GSTA3: variants seen among roughly 807,000 people sequenced by gnomAD.
The protein encoded by GSTA3 is glutathione S-transferase A3.
A neutral mutation model predicts 23.1 loss-of-function variants in GSTA3; 16 were observed. That is an observed-to-expected ratio of 0.69 (90% CI 0.47 to 1.05). GSTA3 has a LOEUF of 1.05. Ranked by LOEUF, GSTA3 falls within the 50% of genes least tolerant of loss-of-function variation. The pLI is 0.00. For missense variants in GSTA3, 319 were observed against 263.6 expected, an observed-to-expected ratio of 1.21 and a Z score of -1.46; for synonymous variants, 122 against 91.0, an observed-to-expected ratio of 1.34 and a Z score of -1.94.
intron 2 of GSTA3, 48 bp from the exon 3 acceptor site, chr6:52,903,775 A>G (rs765020304): frequency 1.8e-6 from 2 of 1,121,214 alleles, no homozygotes; most frequent in Non-Finnish European, 2.7e-6. Flanking sequence ...GTTCCATAGC[A>G]TTACAGACTT....
intron 2 of GSTA3, among the ~76,000 whole-genome samples, chr6:52,904,789 C>T (rs1368918917): frequency 6.6e-6 from 1 of 152,190 alleles, no homozygotes; most frequent in Non-Finnish European, 1.5e-5. Context: ...ACAGACACCT[C>T]CCAGCATTTC....
intron 3 of GSTA3, 56 bp downstream of exon 3, chr6:52,903,620 G>A (rs1765775936): frequency 2.2e-6 from 2 of 899,328 alleles, no homozygotes; most frequent in South Asian, 1.4e-5. Flanking sequence ...TCAATCTTCA[G>A]CGGTACCTTC....
At position 52,899,929 on chromosome 6, in the gene GSTA3, C is replaced by T. The variant is rs761873714; in HGVS notation, c.414+5G>A. 4 of 1,613,922 alleles carry T rather than the reference C, an allele frequency of 2.5e-6. No individual in the cohort carries two copies. Among genetic ancestry groups the T allele is most frequent in the East Asian group, 2.2e-5 (1 of 44,858 alleles). On this transcript the variant is annotated splice_donor_5th_base_variant and intron_variant, in intron 5 of 6. Coordinates refer to ENST00000211122, the MANE Select transcript of GSTA3 (RefSeq NM_000847.5). ...TGCCCCAAAATGCTGAACAGCTTCA[C>T]CTACTTTTTCGAAGGCAGGGAAATA...
At chr6:52,903,857 A>G (rs1765789462) in intron 2 of GSTA3, 130 bp from the exon 3 acceptor site, 2 of 637,514 alleles carry the variant, frequency 3.1e-6, no homozygotes, top group African/African-American at 3.7e-5. Flanking sequence ...CAGGGGACAC[A>G]GAAGAAGCTG....
intron 1 of GSTA3, among the ~76,000 whole-genome samples, chr6:52,907,922 T>C (rs1053175206): frequency 6.6e-6 from 1 of 151,692 alleles, no homozygotes; most frequent in African/African-American, 2.4e-5. Context: ...CATGTATGCA[T>C]ATGTAACGAA....
At position 52,897,934 on chromosome 6, in the gene GSTA3, T is replaced by C. The variant is rs1765516834; in HGVS notation, c.437A>G (p.Asp146Gly). The C allele has an allele frequency of 1.2e-6, 2 of 1,613,968 alleles. No homozygotes were observed. The highest frequency in any genetic ancestry group is 1.7e-6 in the Non-Finnish European group (2 of 1,179,890). The change falls in exon 6 of 7, where the codon GAC becomes GGC. Residue 146 changes from aspartate to glycine, a missense_variant. Coordinates refer to ENST00000211122, the MANE Select transcript of GSTA3 (RefSeq NM_000847.5). ...FEKVLQSHGQ[D>G]YLVGNKLSRA... ...GCTCAGCTTGTTGCCAACAAGGTAG[T>C]CTTGTCCATGGCTCTGTAACACCTG...
intron 1 of GSTA3, among the ~76,000 whole-genome samples, chr6:52,906,412 G>A (rs9463844): frequency 5.3e-5 from 8 of 152,122 alleles, no homozygotes; most frequent in East Asian, 3.9e-4. Context: ...GCCTGCAGAC[G>A]TTACCATTTT....
intron 5 of GSTA3, among the ~76,000 whole-genome samples, chr6:52,899,315 T>A (rs550378515): frequency 6.6e-6 from 1 of 152,182 alleles, no homozygotes; most frequent in Non-Finnish European, 1.5e-5. Context: ...AGGGTGAACT[T>A]GAATTCATCA....
intron 1 of GSTA3, among the ~76,000 whole-genome samples, chr6:52,907,838 G>GT (rs1197925188): frequency 8.5e-6 from 1 of 117,470 alleles, no homozygotes; most frequent in Non-Finnish European, 1.7e-5. Context: ...GTGGGGGGAG[G>GT]GGGGAGGGAT....
At position 52,897,031 on chromosome 6, in the gene GSTA3, C is replaced by T. The variant is rs947770100; in HGVS notation, c.547-103G>A. Reference sequence around the variant, plus strand: ...CCTCCTGCCAGAGACCAAGTGAGTCCCCTCCATCAGCACCAGCATGGAGGC... The same window carrying T: ...CCTCCTGCCAGAGACCAAGTGAGTCTCCTCCATCAGCACCAGCATGGAGGC... On this transcript the variant is annotated intron_variant, in intron 6 of 6. Transcript: ENST00000211122. 6 of 1,505,682 alleles carry T rather than the reference C, an allele frequency of 4.0e-6. No individual in the cohort carries two copies. In the African/African-American group the frequency reaches 4.2e-5, roughly 11 times the overall value. 93.3% of individuals were successfully genotyped at this position (1,505,682 alleles called of 1,614,324 possible).
rs560854336 is a variant in GSTA3, at chr6:52,898,072, T to G, written c.415-116A>C. On this transcript the variant is annotated intron_variant, in intron 5 of 6. Transcript: ENST00000211122. ...ACCTGTGTTGCCTAACTGGATGGTGTGAAGGTCCAGGCCTTTGTTTATGTT... is the reference window on the plus strand; with the variant it reads ...ACCTGTGTTGCCTAACTGGATGGTGGGAAGGTCCAGGCCTTTGTTTATGTT... 23 of 1,188,340 alleles carry G rather than the reference T, an allele frequency of 1.9e-5. No individual in the cohort carries two copies. In the African/African-American group the frequency reaches 2.4e-4, roughly 12 times the overall value. The allele number at this position is 1,188,340 out of a possible 1,614,324, so 73.6% of individuals were successfully genotyped here.
chr6:52,905,884 GATGA>G (rs750011733), intron 1 of GSTA3, 29 bp from the exon 2 acceptor site: 1 of 1,119,014 alleles, frequency 8.9e-7, no homozygotes, highest in Non-Finnish European at 1.3e-6. Context: ...TGCATGAATG[GATGA>G]ATGAATGAGT....
At chr6:52,907,569 A>G (rs1765934321) in intron 1 of GSTA3, among the ~76,000 whole-genome samples, 1 of 151,212 alleles carries the variant, frequency 6.6e-6, no homozygotes, top group African/African-American at 2.4e-5. Context: ...ACTTGGAACC[A>G]ACCCAAATGT....
chr6:52,908,374 G>T (rs1203264881), intron 1 of GSTA3, among the ~76,000 whole-genome samples: 7 of 152,064 alleles, frequency 4.6e-5, no homozygotes, highest in Non-Finnish European at 1.0e-4. Context: ...AATTAGCCAG[G>T]ATTGGTGTCC....
At chr6:52,905,130 AT>A (rs1231840365) in intron 2 of GSTA3, among the ~76,000 whole-genome samples, 3 of 152,284 alleles carry the variant, frequency 2.0e-5, no homozygotes, top group African/African-American at 7.2e-5. Flanking sequence ...TTAGCATTTT[AT>A]TGTATAAATT....
At position 52,902,439 on chromosome 6, in the gene GSTA3, A is replaced by G. The variant is rs371173696; in HGVS notation, c.179T>C (p.Ile60Thr). The G allele has an allele frequency of 8.7e-6, 14 of 1,613,746 alleles. No individual in the cohort carries two copies. The highest frequency in any genetic ancestry group is 8.0e-5 in the African/African-American group (6 of 74,928). Residue 60 changes from isoleucine (I) to threonine (T), a missense_variant, in exon 4 of 7, where the codon ATT becomes ACT. Physicochemically the swap from Ile to Thr is moderately conservative, Grantham distance 89. Transcript: ENST00000211122. Reference protein sequence around the residue: ...LMFQQVPMVEIDGMKLVQTRA... With the variant: ...LMFQQVPMVETDGMKLVQTRA... Reference sequence around the variant, plus strand: ...GGTCTGTACCAACTTCATCCCATCAATCTCAACCATTGGTACTTGCTGGAA... The same window carrying G: ...GGTCTGTACCAACTTCATCCCATCAGTCTCAACCATTGGTACTTGCTGGAA...
At chr6:52,904,847 G>C (rs1765839274) in intron 2 of GSTA3, among the ~76,000 whole-genome samples, 1 of 152,102 alleles carries the variant, frequency 6.6e-6, no homozygotes, top group Admixed American at 6.5e-5. Flanking sequence ...GGAATGCCTG[G>C]GTGTTCTAGA....
At chr6:52,902,206 G>T in intron 4 of GSTA3, 140 bp downstream of exon 4, 2 of 944,058 alleles carry the variant, frequency 2.1e-6, no homozygotes, top group Non-Finnish European at 3.3e-6. Context: ...ATGGGACTCT[G>T]CAATACTGGA....
chr6:52,908,355 T>TA (rs202165888), intron 1 of GSTA3, among the ~76,000 whole-genome samples: 18 of 149,248 alleles, frequency 1.2e-4, no homozygotes, highest in Middle Eastern at 3.4e-3. Context: ...AGTCTCTATT[T>TA]AAAAAAAAAA....
Sources: gnomAD v4.1 joint callset for allele counts (sites outside exome capture counted in the v4.1 genomes callset) on GRCh38, gnomAD v4.1.1 for gene constraint, MANE v1.5 for transcripts, NCBI Gene and HGNC (gene_info 2026-07-23, HGNC 2026-07-21) for gene names.